Variants in CCDC91 observed in about 807,000 individuals in gnomAD.
The protein encoded by CCDC91 is coiled-coil domain-containing protein 91.
In CCDC91, 48 loss-of-function variants were observed where a neutral mutation model predicts 63.2. The ratio of observed to expected loss-of-function variants is 0.76; its 90% CI spans 0.60 to 0.97. The LOEUF (loss-of-function observed/expected upper bound fraction) is 0.97. Among genes scored for constraint, CCDC91 ranks in the 50% least tolerant of loss-of-function variants. The pLI is 0.00. For synonymous variants in CCDC91, 167 were observed against 165.8 expected, an observed-to-expected ratio of 1.01 and a Z score of -0.06; for missense variants, 500 against 494.6, an observed-to-expected ratio of 1.01 and a Z score of -0.10.
Position 28,459,139 on chromosome 12 carries a change from G to A in CCDC91, c.1101+6485G>A, listed in dbSNP as rs114377911. 6.7e-3 allele frequency among the ~76,000 whole-genome samples: 1,022 copies of A among 152,024 alleles called. 17 individuals carry two copies. The highest frequency in any genetic ancestry group is 0.023 in the African/African-American group (945 of 41,474). On this transcript the variant is annotated intron_variant, in intron 11 of 12. Transcript: ENST00000536442. ...GGCCTTGGTTCATACTGCACCATCAGCCTAGAATCCCATTGCTTCCTGACT... is the reference window on the plus strand; with the variant it reads ...GGCCTTGGTTCATACTGCACCATCAACCTAGAATCCCATTGCTTCCTGACT...
At chr12:28,501,676 G>C (rs1324421340) in intron 12 of CCDC91, among the ~76,000 whole-genome samples, 1 of 151,594 alleles carries the variant, frequency 6.6e-6, no homozygotes, top group Non-Finnish European at 1.5e-5. Context: ...CTCTTTTTTG[G>C]TTGTGTCTCT....
At chr12:28,459,472 G>C (rs777149176) in intron 11 of CCDC91, among the ~76,000 whole-genome samples, 1 of 152,080 alleles carries the variant, frequency 6.6e-6, no homozygotes, top group Non-Finnish European at 1.5e-5. Context: ...TTGGCTCTTA[G>C]AGTTTTGGTA....
intron 3 of CCDC91, among the ~76,000 whole-genome samples, chr12:28,303,272 A>T (rs1397614871): frequency 6.6e-6 from 1 of 152,118 alleles, no homozygotes; most frequent in Non-Finnish European, 1.5e-5. Flanking sequence ...TTTTGTTATG[A>T]AGAGAAAGGG....
At chr12:28,532,339 TGTA>T in intron 12 of CCDC91, among the ~76,000 whole-genome samples, 1 of 152,282 alleles carries the variant, frequency 6.6e-6, no homozygotes, top group South Asian at 2.1e-4. Context: ...CATTAATTCA[TGTA>T]GTATCTTATT....
intron 11 of CCDC91, among the ~76,000 whole-genome samples, chr12:28,456,174 G>C (rs551770305): frequency 6.6e-6 from 1 of 152,042 alleles, no homozygotes; most frequent in Non-Finnish European, 1.5e-5. Flanking sequence ...CATTTATGGC[G>C]CCTCTGCCAT....
chr12:28,391,214 A>G (rs767515764), intron 7 of CCDC91, 90 bp from the exon 8 acceptor site: 8 of 683,704 alleles, frequency 1.2e-5, no homozygotes, highest in Non-Finnish European at 2.1e-5. Flanking sequence ...ATCGTATTAC[A>G]GTATGTACAA....
chr12:28,198,090 G>A (rs148212491), intron 1 of CCDC91, among the ~76,000 whole-genome samples: 10 of 152,232 alleles, frequency 6.6e-5, no homozygotes, highest in African/African-American at 2.4e-4. Context: ...TGGACTATGT[G>A]AATGAAATAA....
intron 12 of CCDC91, among the ~76,000 whole-genome samples, chr12:28,527,627 G>T (rs1002402317): frequency 6.6e-6 from 1 of 152,100 alleles, no homozygotes; most frequent in Non-Finnish European, 1.5e-5. Flanking sequence ...GGAGTATGGG[G>T]GGGGAACATT....
intron 8 of CCDC91, among the ~76,000 whole-genome samples, chr12:28,409,210 G>C (rs963462770): frequency 1.3e-5 from 2 of 152,034 alleles, no homozygotes; most frequent in Admixed American, 1.3e-4. Context: ...TATTTTAGCT[G>C]TACCTGTTTT....
At chr12:28,258,804 A>G (rs1480443373) in intron 2 of CCDC91, among the ~76,000 whole-genome samples, 1 of 152,024 alleles carries the variant, frequency 6.6e-6, no homozygotes, top group East Asian at 1.9e-4. Flanking sequence ...GCTCTTACCT[A>G]CAAACTCAGT....
chr12:28,379,005 A>G (rs2139022755), intron 7 of CCDC91, among the ~76,000 whole-genome samples: 1 of 152,192 alleles, frequency 6.6e-6, no homozygotes, highest in Middle Eastern at 3.4e-3. Flanking sequence ...CCTTGCCAGA[A>G]GCCTCATTCT....
chr12:28,295,335 T>G (rs193219131), intron 3 of CCDC91, among the ~76,000 whole-genome samples: 49 of 152,236 alleles, frequency 3.2e-4, no homozygotes, highest in Admixed American at 9.2e-4. Context: ...GAAAATCATG[T>G]TTTTATATTT....
intron 1 of CCDC91, 114 bp from the exon 2 acceptor site, chr12:28,257,088 A>G (rs1466933839): frequency 6.6e-6 from 4 of 606,566 alleles, no homozygotes; most frequent in African/African-American, 3.8e-5. Flanking sequence ...AAAAATGCAT[A>G]GACAGTTAGA....
intron 6 of CCDC91, among the ~76,000 whole-genome samples, chr12:28,353,465 C>T (rs1466630259): frequency 6.6e-6 from 1 of 152,156 alleles, no homozygotes; most frequent in Non-Finnish European, 1.5e-5. Flanking sequence ...CATATGCCTT[C>T]CTCACTAAGG....
intron 12 of CCDC91, among the ~76,000 whole-genome samples, chr12:28,513,671 A>C (rs1387678408): frequency 1.3e-5 from 2 of 151,822 alleles, no homozygotes; most frequent in East Asian, 3.9e-4. Flanking sequence ...ACTGACCCTT[A>C]ATTGTATCAC....
intron 12 of CCDC91, among the ~76,000 whole-genome samples, chr12:28,529,460 G>A (rs1222073034): frequency 3.3e-5 from 5 of 152,156 alleles, no homozygotes; most frequent in Non-Finnish European, 5.9e-5. Context: ...ATCTAGGGGA[G>A]TTTTGTAACT....
At chr12:28,381,292 A>C (rs1167296963) in intron 7 of CCDC91, among the ~76,000 whole-genome samples, 2 of 152,110 alleles carry the variant, frequency 1.3e-5, no homozygotes, top group Non-Finnish European at 2.9e-5. Context: ...CCTTCTAGGT[A>C]ATCAACTTTG....
At chr12:28,278,491 T>C (rs1437444974) in intron 3 of CCDC91, among the ~76,000 whole-genome samples, 2 of 152,078 alleles carry the variant, frequency 1.3e-5, no homozygotes, top group African/African-American at 2.4e-5. Context: ...CCCCTTTTAC[T>C]GTTCCACACT....
chr12:28,542,648 C>G (rs183015283), intron 12 of CCDC91, among the ~76,000 whole-genome samples: 2 of 151,972 alleles, frequency 1.3e-5, no homozygotes, highest in Non-Finnish European at 2.9e-5. Flanking sequence ...ATTTTAGAGT[C>G]CAAATTATTC....
Sources: allele counts gnomAD v4.1 joint callset (sites outside exome capture counted in the v4.1 genomes callset), GRCh38; gene constraint gnomAD v4.1.1; transcripts MANE v1.5; gene names NCBI Gene and HGNC (gene_info 2026-07-23, HGNC 2026-07-21).